Variants in DCT observed in about 807,000 individuals in gnomAD.
DCT encodes dopachrome tautomerase.
A neutral mutation model predicts 53.0 loss-of-function variants in DCT; 47 were observed. That is an observed-to-expected ratio of 0.89 (90% CI 0.70 to 1.13). The LOEUF (loss-of-function observed/expected upper bound fraction) is 1.13, where lower values mean the gene tolerates loss of function less well. DCT is among the 50% of genes most tolerant of loss of function. The pLI, the probability that DCT is intolerant of heterozygous loss-of-function variation, is 0.00. For synonymous variants in DCT, 244 were observed against 237.0 expected, an observed-to-expected ratio of 1.03 and a Z score of -0.27; for missense variants, 669 against 637.4, an observed-to-expected ratio of 1.05 and a Z score of -0.53.
At chr13:94,463,148 T>A (rs1883930035) in intron 4 of DCT, among the ~76,000 whole-genome samples, 1 of 152,154 alleles carries the variant, frequency 6.6e-6, no homozygotes, top group South Asian at 2.1e-4. Flanking sequence ...TTTTCTTTTT[T>A]AATTTAGAGA....
chr13:94,539,050 A>G, the DCT span, among the ~76,000 whole-genome samples: 1 of 152,190 alleles, frequency 6.6e-6, no homozygotes, highest in African/African-American at 2.4e-5. Flanking sequence ...CTGCATTTCC[A>G]AAGAACTCCA....
intron 3 of DCT, among the ~76,000 whole-genome samples, chr13:94,466,072 A>G (rs1448593438): frequency 7.1e-6 from 1 of 140,914 alleles, no homozygotes; most frequent in Non-Finnish European, 1.5e-5. Flanking sequence ...AGACCCTGCC[A>G]TTTGCAAAAT....
chr13:94,488,443 G>A, the DCT span, among the ~76,000 whole-genome samples: 7 of 152,048 alleles, frequency 4.6e-5, no homozygotes, highest in African/African-American at 1.7e-4. Context: ...TGCCAGGCAC[G>A]GTGGCTCACA....
chr13:94,523,944 A>G, the DCT span, among the ~76,000 whole-genome samples: 3 of 152,106 alleles, frequency 2.0e-5, no homozygotes, highest in African/African-American at 7.2e-5. Flanking sequence ...CCATTCATGC[A>G]CCCAAGTGAG....
At chr13:94,510,029 T>C in the DCT span, among the ~76,000 whole-genome samples, 1 of 116,576 alleles carries the variant, frequency 8.6e-6, no homozygotes, top group Non-Finnish European at 1.7e-5. Context: ...GTAATCTTAC[T>C]CATTGGCAGC....
chr13:94,520,155 C>T, the DCT span, among the ~76,000 whole-genome samples: 6 of 152,268 alleles, frequency 3.9e-5, no homozygotes, highest in African/African-American at 1.4e-4. Flanking sequence ...GTATGCAAAA[C>T]AATTCAAGGC....
intron 1 of DCT, among the ~76,000 whole-genome samples, chr13:94,472,589 T>G: frequency 2.0e-4 from 18 of 88,762 alleles, no homozygotes; most frequent in Non-Finnish European, 3.2e-4. Context: ...TTTTTTTTTT[T>G]TTTTTTTTTG....
the DCT span, among the ~76,000 whole-genome samples, chr13:94,547,867 G>A: frequency 6.8e-6 from 1 of 146,570 alleles, no homozygotes; most frequent in African/African-American, 2.5e-5. Context: ...GCGGGTGCCT[G>A]TAATCCCAGC....
At chr13:94,498,288 T>C in the DCT span, among the ~76,000 whole-genome samples, 1 of 152,236 alleles carries the variant, frequency 6.6e-6, no homozygotes, top group East Asian at 1.9e-4. Context: ...CAGTTAAAAT[T>C]GTCAAAGAAG....
At chr13:94,458,372 C>G (rs1009892410) in intron 6 of DCT, among the ~76,000 whole-genome samples, 2 of 152,188 alleles carry the variant, frequency 1.3e-5, no homozygotes, top group Non-Finnish European at 2.9e-5. Flanking sequence ...GAGTAACAGA[C>G]CAATGTATTC....
the DCT span, among the ~76,000 whole-genome samples, chr13:94,541,920 G>T: frequency 6.6e-6 from 1 of 152,184 alleles, no homozygotes; most frequent in African/African-American, 2.4e-5. Context: ...GACTCCAGAG[G>T]CAGGACCATG....
At chr13:94,447,542 T>A (rs1407244813) in intron 6 of DCT, among the ~76,000 whole-genome samples, 1 of 152,236 alleles carries the variant, frequency 6.6e-6, no homozygotes, top group Non-Finnish European at 1.5e-5. Flanking sequence ...TGGGGACCCC[T>A]GCTTTACACC....
chr13:94,538,446 G>A, the DCT span, among the ~76,000 whole-genome samples: 3 of 151,932 alleles, frequency 2.0e-5, no homozygotes, highest in Non-Finnish European at 4.4e-5. Context: ...ACCCCTCCCC[G>A]CCAAGCCATA....
the DCT span, among the ~76,000 whole-genome samples, chr13:94,495,340 A>C: frequency 1.3e-5 from 2 of 151,960 alleles, no homozygotes; most frequent in Non-Finnish European, 2.9e-5. Flanking sequence ...CAAGTAATCC[A>C]CTCAGCTCGG....
intron 6 of DCT, among the ~76,000 whole-genome samples, chr13:94,445,467 A>G (rs1274968306): frequency 6.6e-6 from 1 of 152,212 alleles, no homozygotes; most frequent in African/African-American, 2.4e-5. Flanking sequence ...TTTCAGGAAG[A>G]AAAACAGATA....
At chr13:94,476,848 GT>G (rs1885124032) in intron 1 of DCT, among the ~76,000 whole-genome samples, 3 of 152,114 alleles carry the variant, frequency 2.0e-5, no homozygotes, top group African/African-American at 7.2e-5. Context: ...TGTTAGTGTG[GT>G]TTTCAATCAC....
chr13:94,539,656 T>A, the DCT span, among the ~76,000 whole-genome samples: 6 of 152,238 alleles, frequency 3.9e-5, no homozygotes, highest in African/African-American at 1.4e-4. Context: ...CAAATAGAGA[T>A]ATAATTTATG....
the DCT span, among the ~76,000 whole-genome samples, chr13:94,543,300 C>T: frequency 1.3e-5 from 2 of 152,126 alleles, no homozygotes; most frequent in Non-Finnish European, 2.9e-5. Context: ...CACCTCATGC[C>T]AATCCACACC....
intron 5 of DCT, among the ~76,000 whole-genome samples, chr13:94,461,577 G>A (rs889971401): frequency 2.6e-4 from 40 of 152,118 alleles, no homozygotes; most frequent in African/African-American, 8.2e-4. Flanking sequence ...TATGATTTGA[G>A]TTGAATTTAG....
Sources: gnomAD v4.1 joint callset for allele counts (sites outside exome capture counted in the v4.1 genomes callset) on GRCh38, gnomAD v4.1.1 for gene constraint, MANE v1.5 for transcripts, NCBI Gene and HGNC (gene_info 2026-07-23, HGNC 2026-07-21) for gene names.